Variants in LRRC43 observed in about 807,000 individuals in gnomAD.
The protein encoded by LRRC43 is leucine-rich repeat-containing protein 43.
LRRC43 carries 62 observed loss-of-function variants against 64.3 expected under a neutral mutation model. The observed-to-expected ratio is 0.96, with a 90% CI of 0.79 to 1.19. The LOEUF (loss-of-function observed/expected upper bound fraction) is 1.19, where lower values mean the gene tolerates loss of function less well. LRRC43 is among the 50% of genes most tolerant of loss of function. LRRC43 has a pLI of 0.00. For synonymous variants in LRRC43, 422 were observed against 382.3 expected (o/e 1.10, Z -1.21); for missense variants, 868 against 845.0 (o/e 1.03, Z -0.34).
intron 1 of LRRC43, among the ~76,000 whole-genome samples, chr12:122,170,253 GAGAT>G (rs1953473368): frequency 1.3e-5 from 2 of 152,204 alleles, no homozygotes; most frequent in Admixed American, 1.3e-4. Flanking sequence ...GTCAAAAAGA[GAGAT>G]AGAAGTCCAC....
rs762678375 is a variant in LRRC43 at position 122,187,810 on chromosome 12, TGGAAAG to T, written c.633_638del (p.Leu211_Ser213delinsPhe). On this transcript the variant is annotated inframe_deletion, in exon 4 of 12. Transcript: ENST00000339777. The stretch of plus-strand genomic sequence containing the variant: ...GGCCACAACAAACTTCTAGGCCCCT[TGGAAAG>T]TCTCTACGTCACCGCTAATCACTGG... 2 of 1,614,112 alleles carry T rather than the reference TGGAAAG, an allele frequency of 1.2e-6. No individual in the cohort carries two copies. The highest frequency in any genetic ancestry group is 2.2e-5 in the South Asian group (2 of 91,082).
In LRRC43 at chr12:122,184,638, C is replaced by A; in HGVS notation, c.270C>A (p.Ser90Arg). The change falls in exon 2 of 12, where the codon AGC becomes AGA. Residue 90 changes from serine (S) to arginine (R), a missense_variant. Physicochemically the swap from Ser to Arg is moderately radical, Grantham distance 110. Transcript: ENST00000339777. This position sits in a 1 kb window ranked among gnomAD's most constrained non-coding sequence, Gnocchi z 4.0. ...TVEALLGLVR[S>R]RHSPWALLNN... is the part of the protein sequence containing the mutation. ...AGGCCCTGCTGGGCCTGGTCCGCAG[C>A]CGCCACTCCCCCTGGGCTCTGCTGA... 1 of 1,613,964 alleles carries A rather than the reference C, an allele frequency of 6.2e-7. No individual in the cohort carries two copies. Among genetic ancestry groups the A allele is most frequent in the Non-Finnish European group, 8.5e-7 (1 of 1,179,892 alleles).
chr12:122,177,762 A>G (rs1025587539), intron 1 of LRRC43, among the ~76,000 whole-genome samples: 2 of 151,836 alleles, frequency 1.3e-5, no homozygotes, highest in African/African-American at 4.8e-5. Flanking sequence ...TCACCTTCCC[A>G]AAGTGCTGGG....
upstream of LRRC43, among the ~76,000 whole-genome samples, chr12:122,182,292 G>C (rs1460635108): frequency 6.6e-6 from 1 of 152,110 alleles, no homozygotes; most frequent in Non-Finnish European, 1.5e-5. Context: ...GGGAGACCGA[G>C]GTGGGTGGAT....
rs1482729556 is a variant in LRRC43, at chr12:122,191,486, CACTT to C, written c.1011_1014del (p.Tyr338ThrfsTer4). The C allele has an allele frequency of 6.2e-7, 1 of 1,614,116 alleles. No individual in the cohort carries two copies. Among genetic ancestry groups the C allele is most frequent in the Non-Finnish European group, 8.5e-7 (1 of 1,180,006 alleles). ...AACCCAGGCCCGAAGGCCCTTTCATCACTTACAACTATTACGTGACCTATGATTT... is the reference window on the plus strand; with the variant it reads ...AACCCAGGCCCGAAGGCCCTTTCATCACAACTATTACGTGACCTATGATTT... On this transcript the variant is annotated frameshift_variant, in exon 6 of 12. Coordinates refer to ENST00000339777, the MANE Select transcript of LRRC43 (RefSeq NM_001098519.2). LOFTEE classifies it high-confidence loss of function.
chr12:122,198,796 ATT>A lies in LRRC43; in HGVS notation c.1350-1389_1350-1388del, dbSNP rs373912068. On this transcript the variant is annotated intron_variant, in intron 7 of 11. Transcript: ENST00000339777. ...AGGCTCCCGCCAGCACACCCGGCTA[ATT>A]TTTCTGTATTTTTTAGTAGAGATGG... Among the ~76,000 whole-genome samples the A allele has an allele frequency of 1.8e-3, 272 of 147,800 alleles. 2 individuals carry two copies. Among genetic ancestry groups the A allele is most frequent in the African/African-American group, 6.4e-3 (255 of 40,076 alleles).
At position 122,192,879 on chromosome 12, in the gene LRRC43, G is replaced by A. The variant is rs1795242595; in HGVS notation, c.1224G>A (p.Glu408=). 2.5e-6 allele frequency: 4 copies of A among 1,614,084 alleles called. No homozygotes were observed. Among genetic ancestry groups the A allele is most frequent in the African/African-American group, 1.3e-5 (1 of 74,928 alleles). Residue 408 remains glutamate, a synonymous_variant, in exon 7 of 12, where the codon GAG becomes GAA. Transcript: ENST00000339777. ...GGTCTCTGGAGTCTGAGGTGGAGGAGTCAGGAGAGTCGGAGCTGTCTGTCA... is the reference window on the plus strand; with the variant it reads ...GGTCTCTGGAGTCTGAGGTGGAGGAATCAGGAGAGTCGGAGCTGTCTGTCA... ...VEGSLESEVE[E]SGESELSVIS... is the part of the protein sequence containing the mutation.
chr12:122,168,825 G>A (rs1953461494), intron 1 of LRRC43, among the ~76,000 whole-genome samples: 1 of 152,148 alleles, frequency 6.6e-6, no homozygotes, highest in African/African-American at 2.4e-5. Context: ...TTCCCACATT[G>A]TGCTTAGTGC....
At position 122,200,062 on chromosome 12, in the gene LRRC43, C is replaced by G; in HGVS notation, c.1350-127C>G. Reference sequence around the variant, plus strand: ...CCTGCCTGGTGGCAGCCGGACCTCACGTCTCATGCTGTTTGTGGGCTTCGA... The same window carrying G: ...CCTGCCTGGTGGCAGCCGGACCTCAGGTCTCATGCTGTTTGTGGGCTTCGA... On this transcript the variant is annotated intron_variant, in intron 7 of 11. Transcript: ENST00000339777. This position sits in a 1 kb window ranked among gnomAD's most constrained non-coding sequence, Gnocchi z 4.6. The G allele has an allele frequency of 9.8e-7, 1 of 1,024,700 alleles. No homozygotes were observed. The highest frequency in any genetic ancestry group is 1.4e-6 in the Non-Finnish European group (1 of 695,496). 63.5% of individuals were successfully genotyped at this position (1,024,700 alleles called of 1,614,324 possible). A position where few individuals can be genotyped will look rare whatever the true frequency, so the allele number is the denominator to read the frequency against.
chr12:122,177,848 A>ATTTATTTC (rs370186647), intron 1 of LRRC43, among the ~76,000 whole-genome samples: 2 of 141,668 alleles, frequency 1.4e-5, no homozygotes, highest in African/African-American at 2.7e-5. Flanking sequence ...TTATTTATTT[A>ATTTATTTC]TTATTTTGAG....
At chr12:122,201,664 T>C (rs1953840344) in intron 11 of LRRC43, among the ~76,000 whole-genome samples, 1 of 152,174 alleles carries the variant, frequency 6.6e-6, no homozygotes, top group South Asian at 2.1e-4. Context: ...AAGAGGGGCC[T>C]GGGCTTGTCC....
In LRRC43 at chr12:122,172,802, G is replaced by C. The variant is rs1208420107; in HGVS notation, c.-406+5020G>C. On this transcript the variant is annotated intron_variant, in intron 1 of 5. Coordinates refer to the LRRC43 transcript ENST00000537729. ...GCAATGACAGCTGCAAGTCTTAACA[G>C]TGAATGTTTGCATGCTTCCTCCGTA... is the stretch of plus-strand genomic sequence containing the variant. The C allele has an allele frequency of 1.1e-5, 14 of 1,308,304 alleles. No homozygotes were observed. The African/African-American group carries it at 2.1e-4, about 19-fold the overall frequency. 81.0% of individuals were successfully genotyped at this position (1,308,304 alleles called of 1,614,324 possible).
At chr12:122,190,440 C>G (rs1160147143) in intron 5 of LRRC43, 72 bp downstream of exon 5, 3 of 1,252,938 alleles carry the variant, frequency 2.4e-6, no homozygotes, top group Admixed American at 1.8e-5. Context: ...GCCCCGCCCT[C>G]CTGGGTCCGT....
chr12:122,172,721 C>A, intron 1 of LRRC43: 1 of 1,611,936 alleles, frequency 6.2e-7, no homozygotes, highest in South Asian at 1.1e-5. Flanking sequence ...GGGACACGAG[C>A]ACGCCCTTCT....
chr12:122,180,802 C>T (rs995171970), upstream of LRRC43, among the ~76,000 whole-genome samples: 1 of 152,328 alleles, frequency 6.6e-6, no homozygotes, highest in South Asian at 2.1e-4. Flanking sequence ...TTTCCCCTCT[C>T]AGTCTTCTCT....
intron 3 of LRRC43, 40 bp downstream of exon 3, chr12:122,186,340 G>A (rs745471870): frequency 1.3e-5 from 17 of 1,326,218 alleles, no homozygotes; most frequent in South Asian, 1.0e-4. Flanking sequence ...TTGGGCCTCC[G>A]CTGCCCAGAG....
chr12:122,189,260 C>T (rs1171240953), intron 4 of LRRC43: 2 of 355,798 alleles, frequency 5.6e-6, no homozygotes, highest in Non-Finnish European at 1.1e-5. Context: ...GGTAGAACCA[C>T]CTCCCCTCTC....
At chr12:122,189,391 C>A in intron 4 of LRRC43, 1 of 456,260 alleles carries the variant, frequency 2.2e-6, no homozygotes, top group Non-Finnish European at 4.4e-6. Flanking sequence ...CCTCTTCCTC[C>A]CCTTCTCTTC....
intron 1 of LRRC43, chr12:122,174,267 A>T: frequency 7.0e-7 from 1 of 1,432,510 alleles, no homozygotes; most frequent in Non-Finnish European, 9.8e-7. Context: ...CAGGGTGAGG[A>T]GAAAGAGCAG....
Sources: allele counts gnomAD v4.1 joint callset (sites outside exome capture counted in the v4.1 genomes callset), GRCh38; gene constraint gnomAD v4.1.1; non-coding constraint Gnocchi (gnomAD v3.1); transcripts MANE v1.5; gene names NCBI Gene and HGNC (gene_info 2026-07-23, HGNC 2026-07-21).